Variants in IMMP2L observed in about 807,000 individuals in gnomAD.
The protein encoded by IMMP2L is mitochondrial inner membrane protease subunit 2.
IMMP2L carries 18 observed loss-of-function variants against 19.3 expected under a neutral mutation model. That is an observed-to-expected ratio of 0.93 (90% CI 0.64 to 1.38). The LOEUF (loss-of-function observed/expected upper bound fraction) is 1.38, where lower values mean the gene tolerates loss of function less well. Among genes scored for constraint, IMMP2L ranks in the 40% most tolerant of loss-of-function variants. The probability of loss-of-function intolerance (pLI) is 0.00; values close to 1 mark genes in which losing one functional copy is unlikely to be tolerated. For synonymous variants in IMMP2L, 76 were observed against 73.0 expected (o/e 1.04, Z -0.21); for missense variants, 233 against 218.2 (o/e 1.07, Z -0.43).
At chr7:111,308,563 C>T (rs1328457244) in intron 3 of IMMP2L, among the ~76,000 whole-genome samples, 2 of 151,822 alleles carry the variant, frequency 1.3e-5, no homozygotes, top group Non-Finnish European at 2.9e-5. Context: ...ATAGTACAGA[C>T]AGTGAACTAC....
intron 5 of IMMP2L, among the ~76,000 whole-genome samples, chr7:110,692,296 T>C (rs910270780): frequency 6.6e-6 from 1 of 152,160 alleles, no homozygotes; most frequent in African/African-American, 2.4e-5. Context: ...AAGCTATGGG[T>C]ATGCAAAGGC....
chr7:111,323,269 A>G (rs1039184106), intron 3 of IMMP2L, among the ~76,000 whole-genome samples: 2 of 152,082 alleles, frequency 1.3e-5, no homozygotes, highest in African/African-American at 4.8e-5. Context: ...TCCAGAATCT[A>G]CAATGAACTC....
chr7:111,479,608 T>G (rs1462846846), intron 3 of IMMP2L, among the ~76,000 whole-genome samples: 1 of 152,168 alleles, frequency 6.6e-6, no homozygotes, highest in East Asian at 1.9e-4. Flanking sequence ...AAACTTACAT[T>G]CAAAATGCTT....
intron 3 of IMMP2L, among the ~76,000 whole-genome samples, chr7:111,000,042 T>G (rs1823497418): frequency 6.6e-6 from 1 of 152,164 alleles, no homozygotes; most frequent in South Asian, 2.1e-4. Context: ...GTGGATCCAT[T>G]CTGATTTTGT....
At chr7:111,033,378 C>A (rs1017220261) in intron 3 of IMMP2L, among the ~76,000 whole-genome samples, 1 of 151,732 alleles carries the variant, frequency 6.6e-6, no homozygotes, top group African/African-American at 2.4e-5. Flanking sequence ...GGTGGGAATG[C>A]AAAGTGGCAC....
intron 5 of IMMP2L, among the ~76,000 whole-genome samples, chr7:110,822,782 C>T (rs1321797621): frequency 1.3e-5 from 2 of 152,122 alleles, no homozygotes; most frequent in African/African-American, 4.8e-5. Context: ...AATATGTTTA[C>T]TCCCCAAATC....
rs540301953 is a variant in IMMP2L at position 111,534,383 on chromosome 7, G to T, written c.-2-12934C>A. Among the ~76,000 whole-genome samples, 77 of 152,066 alleles carry T rather than the reference G, an allele frequency of 5.1e-4. 1 individual carries two copies. Among genetic ancestry groups the T allele is most frequent in the African/African-American group, 1.7e-3 (71 of 41,516 alleles). On this transcript the variant is annotated intron_variant, in intron 1 of 5. Transcript: ENST00000405709. ...TCTCCTCCAAAAAAGTTGGAAAATT[G>T]CATTTTTAATATGAACCCATTTATG...
intron 3 of IMMP2L, among the ~76,000 whole-genome samples, chr7:110,978,704 T>A (rs1820951857): frequency 6.6e-6 from 1 of 152,072 alleles, no homozygotes; most frequent in Non-Finnish European, 1.5e-5. Flanking sequence ...CACTAAACAT[T>A]CTGAATTTTT....
intron 3 of IMMP2L, 37 bp downstream of exon 3, chr7:111,487,201 T>C (rs2132271405): frequency 2.1e-6 from 2 of 936,026 alleles, no homozygotes; most frequent in Non-Finnish European, 3.4e-6. Flanking sequence ...TATAAATAAT[T>C]TTATATACAA....
chr7:111,424,830 A>G (rs1470481593), intron 3 of IMMP2L, among the ~76,000 whole-genome samples: 1 of 151,848 alleles, frequency 6.6e-6, no homozygotes. Flanking sequence ...CTTTTGTAAA[A>G]TATGTGGTTA....
At chr7:110,814,032 C>T (rs1802251761) in intron 5 of IMMP2L, among the ~76,000 whole-genome samples, 1 of 151,968 alleles carries the variant, frequency 6.6e-6, no homozygotes, top group Admixed American at 6.6e-5. Flanking sequence ...TAACTAAAGA[C>T]ATCAATTCCC....
At chr7:110,922,614 T>A (rs1814411951) in intron 4 of IMMP2L, among the ~76,000 whole-genome samples, 1 of 152,140 alleles carries the variant, frequency 6.6e-6, no homozygotes, top group Non-Finnish European at 1.5e-5. Flanking sequence ...TAAAATATTG[T>A]TTTTCTTCTC....
Position 110,877,211 on chromosome 7 carries a change from C to G in IMMP2L, c.408+9382G>C, listed in dbSNP as rs1809169476. Among the ~76,000 whole-genome samples, 1 of 152,116 alleles carries G rather than the reference C, an allele frequency of 6.6e-6. No individual in the cohort carries two copies. The highest frequency in any genetic ancestry group is 6.6e-5 in the Admixed American group (1 of 15,248). The stretch of plus-strand genomic sequence containing the variant: ...TCACTGAACCCTGTTCTAGATGAAC[C>G]TTTGCTGTGCAGAAATTGGCCATTA... On this transcript the variant is annotated intron_variant, in intron 5 of 5. Coordinates refer to ENST00000405709, the MANE Select transcript of IMMP2L (RefSeq NM_032549.4). The surrounding 1 kb of genome is among the most constrained non-coding windows in gnomAD (Gnocchi z 4.0).
At chr7:110,994,333 C>T (rs1822811125) in intron 3 of IMMP2L, among the ~76,000 whole-genome samples, 1 of 152,052 alleles carries the variant, frequency 6.6e-6, no homozygotes, top group Non-Finnish European at 1.5e-5. Context: ...AGATGTTGTT[C>T]CTGAGTGTCT....
At chr7:111,343,576 T>C (rs113682327) in intron 3 of IMMP2L, among the ~76,000 whole-genome samples, 23 of 152,216 alleles carry the variant, frequency 1.5e-4, no homozygotes, top group Admixed American at 3.9e-4. Context: ...TCCCGTCTTC[T>C]CCACTATCAG....
At chr7:110,753,757 T>C (rs1044505238) in intron 5 of IMMP2L, among the ~76,000 whole-genome samples, 7 of 150,952 alleles carry the variant, frequency 4.6e-5, no homozygotes, top group Non-Finnish European at 1.0e-4. Flanking sequence ...GTGTGGGGTG[T>C]GTGTGTGTGT....
intron 2 of IMMP2L, among the ~76,000 whole-genome samples, chr7:111,518,847 T>C (rs1846096099): frequency 1.3e-5 from 2 of 152,124 alleles, no homozygotes; most frequent in Non-Finnish European, 2.9e-5. Context: ...TAGAATTCCA[T>C]TCTACTTTGA....
At chr7:111,038,459 A>G (rs1233760298) in intron 3 of IMMP2L, among the ~76,000 whole-genome samples, 1 of 152,144 alleles carries the variant, frequency 6.6e-6, no homozygotes, top group Non-Finnish European at 1.5e-5. Flanking sequence ...GCTAAAGCCA[A>G]CTAGGTTCAA....
chr7:110,790,117 T>C (rs762800688), intron 5 of IMMP2L, among the ~76,000 whole-genome samples: 1 of 151,624 alleles, frequency 6.6e-6, no homozygotes, highest in Non-Finnish European at 1.5e-5. Context: ...CAGTAGTCTC[T>C]AGTGCATAGC....
Sources: allele counts gnomAD v4.1 joint callset (sites outside exome capture counted in the v4.1 genomes callset), GRCh38; gene constraint gnomAD v4.1.1; non-coding constraint Gnocchi (gnomAD v3.1); transcripts MANE v1.5; gene names NCBI Gene and HGNC (gene_info 2026-07-23, HGNC 2026-07-21).